Variants in ZNF718 observed in about 807,000 individuals in gnomAD.
ZNF718 encodes the protein zinc finger protein 718.
In ZNF718, 3 loss-of-function variants were observed where a neutral mutation model predicts 2.6. That is an observed-to-expected ratio of 1.16 (90% CI 0.53 to 3.01). The LOEUF (loss-of-function observed/expected upper bound fraction) is 3.01, where lower values mean the gene tolerates loss of function less well. Ranked by LOEUF, ZNF718 falls within the 30% of genes most tolerant of loss-of-function variation. ZNF718 has a pLI of 0.03. For missense variants in ZNF718, 468 were observed against 230.0 expected (o/e 2.03, Z -6.69); for synonymous variants, 135 against 77.9 (o/e 1.73, Z -3.86).
intron 3 of ZNF718, among the ~76,000 whole-genome samples, chr4:193,234 C>T (rs1342800673): frequency 6.6e-6 from 1 of 152,028 alleles, no homozygotes; most frequent in Non-Finnish European, 1.5e-5. Context: ...TTGGCAATTC[C>T]CTTCTATTTC....
At chr4:147,667 C>T (rs1251584370) in intron 3 of ZNF718, among the ~76,000 whole-genome samples, 1 of 152,096 alleles carries the variant, frequency 6.6e-6, no homozygotes, top group Non-Finnish European at 1.5e-5. Flanking sequence ...AGTTCGAGAC[C>T]AGCCTGGGCA....
chr4:154,480 C>T (rs1379883825), intron 3 of ZNF718, among the ~76,000 whole-genome samples: 1 of 152,144 alleles, frequency 6.6e-6, no homozygotes, highest in African/African-American at 2.4e-5. Context: ...CAATGAAATC[C>T]AGTCCAAGGT....
At chr4:171,300 T>A (rs1019479443) in intron 3 of ZNF718, among the ~76,000 whole-genome samples, 1 of 152,168 alleles carries the variant, frequency 6.6e-6, no homozygotes, top group African/African-American at 2.4e-5. Context: ...AGGGACGCAC[T>A]TGAGGAGGCA....
intron 3 of ZNF718, among the ~76,000 whole-genome samples, chr4:192,059 T>G (rs1717703220): frequency 6.6e-6 from 1 of 151,850 alleles, no homozygotes; most frequent in Admixed American, 6.6e-5. Context: ...CAGTCAGGAG[T>G]GGCAATGGGC....
At position 161,828 on chromosome 4, in the gene ZNF718, C is replaced by T. The variant is rs781873820; in HGVS notation, c.1143C>T (p.Thr381=). ...GAAAAGCCTTTAATTGGTCCTCAAC[C>T]CTTAATGTACACAAGAGAATTCACT... ...ECGKAFNWSS[T]LNVHKRIHSG... The change falls in exon 4 of 4, where the codon ACC becomes ACT. Residue 381 remains threonine (T), a synonymous_variant. Coordinates refer to ENST00000510175, the MANE Select transcript of ZNF718 (RefSeq NM_001039127.6). 2.6e-6 allele frequency: 2 copies of T among 780,636 alleles called. No individual in the cohort carries two copies. The highest frequency in any genetic ancestry group is 1.7e-5 in the Admixed American group (1 of 58,984). 48.4% of individuals were successfully genotyped at this position (780,636 alleles called of 1,614,324 possible). A position where few individuals can be genotyped will look rare whatever the true frequency, so the allele number is the denominator to read the frequency against.
At chr4:200,881 C>T (rs1717885830) in intron 3 of ZNF718, among the ~76,000 whole-genome samples, 1 of 152,154 alleles carries the variant, frequency 6.6e-6, no homozygotes, top group African/African-American at 2.4e-5. Context: ...AATACTTCCA[C>T]AGAACTATCA....
At chr4:188,280 A>G (rs1717609613) in intron 3 of ZNF718, among the ~76,000 whole-genome samples, 1 of 152,174 alleles carries the variant, frequency 6.6e-6, no homozygotes, top group Non-Finnish European at 1.5e-5. Context: ...CAGCCTGGCC[A>G]TATCTTGGTA....
downstream of ZNF718, among the ~76,000 whole-genome samples, chr4:165,131 G>A (rs1223807391): frequency 6.6e-6 from 1 of 152,042 alleles, no homozygotes; most frequent in Non-Finnish European, 1.5e-5. Context: ...CTCCTGATTT[G>A]TGTTAGTTTT....
At chr4:197,401 G>T (rs1210662525) in intron 3 of ZNF718, among the ~76,000 whole-genome samples, 4 of 152,098 alleles carry the variant, frequency 2.6e-5, no homozygotes, top group Non-Finnish European at 5.9e-5. Context: ...TGGAACACAG[G>T]ACTCTCAAAC....
chr4:124,556 C>G lies in ZNF718; in HGVS notation c.-115C>G. On this transcript the variant is annotated 5_prime_UTR_variant, in exon 1 of 4. Transcript: ENST00000510175. ...GGTTAGGGCCTCATCGCTCTGCTCC[C>G]GCTCCTTAGGGAAGCCTCGGTGATT... is the stretch of plus-strand genomic sequence containing the variant. 1 of 1,475,942 alleles carries G rather than the reference C, an allele frequency of 6.8e-7. No individual in the cohort carries two copies. Among genetic ancestry groups the G allele is most frequent in the Non-Finnish European group, 9.3e-7 (1 of 1,070,916 alleles). 91.4% of individuals were successfully genotyped at this position (1,475,942 alleles called of 1,614,324 possible). A position where few individuals can be genotyped will look rare whatever the true frequency, so the allele number is the denominator to read the frequency against.
intron 3 of ZNF718, among the ~76,000 whole-genome samples, chr4:140,708 G>A (rs1715775424): frequency 6.6e-6 from 1 of 152,162 alleles, no homozygotes; most frequent in African/African-American, 2.4e-5. Flanking sequence ...AAGCTATTGA[G>A]TCTTCATTTA....
At chr4:188,848 C>CA (rs1448925762) in intron 3 of ZNF718, among the ~76,000 whole-genome samples, 2 of 152,084 alleles carry the variant, frequency 1.3e-5, no homozygotes, top group African/African-American at 4.8e-5. Flanking sequence ...GATAGGTCCT[C>CA]AAAATCTATC....
chr4:175,852 C>CTTTT lies in ZNF718; in HGVS notation c.227-25210_227-25207dup, dbSNP rs1158577358. On this transcript the variant is annotated intron_variant and NMD_transcript_variant, in intron 3 of 4. Coordinates refer to the ZNF718 transcript ENST00000642529. ...CTCTAATACTCTTTGGATTAACAGT[C>CTTTT]TTTTTTTTTTTTTTTTTTTTTTGAG... 2.6e-3 allele frequency among the ~76,000 whole-genome samples: 254 copies of CTTTT among 98,924 alleles called. 1 individual carries two copies. The highest frequency in any genetic ancestry group is 3.4e-3 in the Non-Finnish European group (174 of 51,124). The allele number at this position is 98,924 out of a possible 152,430, so 64.9% of individuals were successfully genotyped here.
At chr4:136,835 A>AT (rs1234674350) in intron 3 of ZNF718, among the ~76,000 whole-genome samples, 2 of 152,210 alleles carry the variant, frequency 1.3e-5, no homozygotes. Context: ...TAAATCATTC[A>AT]TCTATTGAAG....
At chr4:185,332 G>C (rs1365581558) in intron 3 of ZNF718, among the ~76,000 whole-genome samples, 1 of 152,094 alleles carries the variant, frequency 6.6e-6, no homozygotes, top group Non-Finnish European at 1.5e-5. Context: ...TCTTATCCTT[G>C]AGTTCTACTT....
At chr4:200,872 A>G (rs1290145012) in intron 3 of ZNF718, among the ~76,000 whole-genome samples, 2 of 152,242 alleles carry the variant, frequency 1.3e-5, no homozygotes, top group African/African-American at 4.8e-5. Flanking sequence ...TCACAAGGCA[A>G]TACTTCCACA....
rs1715337284 is a variant in ZNF718, at chr4:131,015, T to C, written c.130+101T>C. 8.7e-6 allele frequency: 2 copies of C among 230,096 alleles called. 1 individual carries two copies. Among genetic ancestry groups the C allele is most frequent in the African/African-American group, 5.8e-5 (2 of 34,438 alleles). 14.3% of individuals were successfully genotyped at this position (230,096 alleles called of 1,614,324 possible). A position where few individuals can be genotyped will look rare whatever the true frequency, so the allele number is the denominator to read the frequency against. On this transcript the variant is annotated intron_variant, in intron 2 of 3. Transcript: ENST00000510175. Reference sequence around the variant, plus strand: ...AGAGCTTCTGCTTTGCATGAATTAATTTCAGTTCCTTCACGAAAAAGTTGG... The same window carrying C: ...AGAGCTTCTGCTTTGCATGAATTAACTTCAGTTCCTTCACGAAAAAGTTGG...
At chr4:144,301 A>G (rs1450407451) in intron 3 of ZNF718, among the ~76,000 whole-genome samples, 4 of 152,218 alleles carry the variant, frequency 2.6e-5, no homozygotes, top group African/African-American at 7.2e-5. Flanking sequence ...TTCTAGCGGT[A>G]ACAATATATT....
chr4:173,577 T>A (rs1325858479), intron 3 of ZNF718, among the ~76,000 whole-genome samples: 1 of 115,506 alleles, frequency 8.7e-6, no homozygotes, highest in African/African-American at 3.4e-5. Flanking sequence ...TTTTCCACAC[T>A]TAACAGCCAT....
Sources: allele counts gnomAD v4.1 joint callset (sites outside exome capture counted in the v4.1 genomes callset), GRCh38; gene constraint gnomAD v4.1.1; transcripts MANE v1.5; gene names NCBI Gene and HGNC (gene_info 2026-07-23, HGNC 2026-07-21).